The following JAK1 variants were observed in gnomAD, a reference collection of about 807,000 sequenced individuals.
JAK1 encodes Janus kinase 1.
Under a neutral mutation model 136.6 loss-of-function variants are expected in JAK1, and 16 were observed. The ratio of observed to expected loss-of-function variants is 0.12; its 90% CI spans 0.08 to 0.18. The LOEUF (loss-of-function observed/expected upper bound fraction) is 0.18. JAK1 is among the 10% of genes least tolerant of loss of function. The pLI is 1.00. For missense variants in JAK1, 859 were observed against 1,450.1 expected (o/e 0.59, Z 6.62); for synonymous variants, 492 against 519.5 (o/e 0.95, Z 0.72).
At chr1:65,047,022 C>T (rs1358130342) in intron 1 of JAK1, among the ~76,000 whole-genome samples, 5 of 151,188 alleles carry the variant, frequency 3.3e-5, no homozygotes, top group Non-Finnish European at 4.4e-5. Flanking sequence ...GAGATCCCAT[C>T]GCTATAGGAA....
chr1:64,844,046 C>T lies in JAK1; in HGVS notation c.2403+18G>A, dbSNP rs774169632. ...GAAAGCCCTCACTTGCCTCACGCCC[C>T]GGGAAACACCTGCTCACCTCAATCA... On this transcript the variant is annotated intron_variant, in intron 17 of 24. Coordinates refer to ENST00000342505, the MANE Select transcript of JAK1 (RefSeq NM_002227.4). This position sits in a 1 kb window ranked among gnomAD's most constrained non-coding sequence, Gnocchi z 5.7. 1.1e-5 allele frequency: 17 copies of T among 1,613,110 alleles called. No individual in the cohort carries two copies. The highest frequency in any genetic ancestry group is 1.7e-5 in the Admixed American group (1 of 59,986).
chr1:65,014,211 A>T (rs562846831), intron 2 of JAK1, among the ~76,000 whole-genome samples: 3 of 152,174 alleles, frequency 2.0e-5, no homozygotes, highest in Non-Finnish European at 4.4e-5. Context: ...TTAGAGCACT[A>T]GAAGACCAGA....
In JAK1 at chr1:64,846,671, G is replaced by A. The variant is rs752893517; in HGVS notation, c.1965C>T (p.Gly655=). The A allele has an allele frequency of 7.4e-6, 12 of 1,613,758 alleles. No homozygotes were observed. The highest frequency in any genetic ancestry group is 4.0e-5 in the African/African-American group (3 of 74,916). Residue 655 remains glycine (G), a synonymous_variant, in exon 14 of 25, where the codon GGC becomes GGT. Coordinates refer to ENST00000342505, the MANE Select transcript of JAK1 (RefSeq NM_002227.4). ...TACTCTCCACGTCGCGGACACAGAC[G>A]CCATAGAGGTACACGATGTGTTTGT... The part of the protein sequence containing the change: ...VSHKHIVYLY[G]VCVRDVENIM...
chr1:64,909,546 C>A (rs543696837), intron 1 of JAK1, among the ~76,000 whole-genome samples: 47 of 151,952 alleles, frequency 3.1e-4, no homozygotes, highest in African/African-American at 1.0e-3. Flanking sequence ...CTAGGCCAGG[C>A]ACAGTGGCTC....
chr1:64,886,775 C>T (rs945579319), intron 1 of JAK1, among the ~76,000 whole-genome samples: 8 of 147,478 alleles, frequency 5.4e-5, no homozygotes, highest in African/African-American at 2.1e-4. Context: ...CACACACACA[C>T]ACACACACAC....
At chr1:65,034,578 A>G (rs539978391) in intron 2 of JAK1, among the ~76,000 whole-genome samples, 1 of 152,332 alleles carries the variant, frequency 6.6e-6, no homozygotes, top group Non-Finnish European at 1.5e-5. Flanking sequence ...TTGAGTCCAC[A>G]CAAGCTTTCT....
chr1:65,062,138 T>C (rs568812261), intron 1 of JAK1, among the ~76,000 whole-genome samples: 226 of 152,244 alleles, frequency 1.5e-3, no homozygotes, highest in African/African-American at 5.2e-3. Flanking sequence ...TCCAGGAGAC[T>C]AAAAATTTAT....
At chr1:64,970,510 C>T (rs1646441910), upstream of JAK1, among the ~76,000 whole-genome samples, 1 of 151,984 alleles carries the variant, frequency 6.6e-6, no homozygotes, top group South Asian at 2.1e-4. Flanking sequence ...AATCCCAGCA[C>T]TTTGGGAGGC....
rs1655077657 is a variant in JAK1 at position 64,844,100 on chromosome 1, A to G, written c.2367T>C (p.Asn789=). 3 of 1,614,154 alleles carry G rather than the reference A, an allele frequency of 1.9e-6. No individual in the cohort carries two copies. The highest frequency in any genetic ancestry group is 2.5e-6 in the Non-Finnish European group (3 of 1,180,026). The change falls in exon 17 of 25, where the codon AAT becomes AAC. Residue 789 remains asparagine, a synonymous_variant. Coordinates refer to ENST00000342505, the MANE Select transcript of JAK1 (RefSeq NM_002227.4). The surrounding 1 kb of genome is among the most constrained non-coding windows in gnomAD (Gnocchi z 5.7). ...FGTTLWEICY[N]GEIPLKDKTL... is the part of the protein sequence containing the mutation. ...TCTTGTCTTTCAAGGGGATCTCGCC[A>G]TTGTAGCAGATTTCCCAGAGCGTGG...
intron 1 of JAK1, among the ~76,000 whole-genome samples, chr1:64,959,008 G>C (rs1373177779): frequency 1.3e-5 from 2 of 152,188 alleles, no homozygotes; most frequent in Non-Finnish European, 2.9e-5. Flanking sequence ...TTCAGCTGAA[G>C]TGGACTTTCC....
intron 2 of JAK1, among the ~76,000 whole-genome samples, chr1:65,035,548 T>C (rs542026851): frequency 1.3e-5 from 2 of 152,262 alleles, no homozygotes; most frequent in South Asian, 2.1e-4. Flanking sequence ...TCCTGTAAAA[T>C]AAGGATAAAC....
upstream of JAK1, among the ~76,000 whole-genome samples, chr1:64,968,931 C>CAAAAAAA (rs10708307): frequency 3.1e-5 from 2 of 64,048 alleles, 1 homozygote; most frequent in African/African-American, 1.2e-4. Context: ...GACTCCCTCT[C>CAAAAAAA]AAAAAAAAAA....
intron 1 of JAK1, among the ~76,000 whole-genome samples, chr1:65,060,806 C>T (rs1647759560): frequency 6.6e-6 from 1 of 152,084 alleles, no homozygotes; most frequent in African/African-American, 2.4e-5. Flanking sequence ...TGTTTATAAA[C>T]GTGCATTTTT....
At chr1:65,038,299 A>T (rs1370116762) in intron 2 of JAK1, among the ~76,000 whole-genome samples, 1 of 150,932 alleles carries the variant, frequency 6.6e-6, no homozygotes, top group Non-Finnish European at 1.5e-5. Flanking sequence ...CCCGGGGTCA[A>T]GCAATTCTCC....
chr1:65,047,593 C>T (rs1647196600), intron 1 of JAK1, among the ~76,000 whole-genome samples: 1 of 151,956 alleles, frequency 6.6e-6, no homozygotes, highest in Non-Finnish European at 1.5e-5. Context: ...GTGGCAGGTG[C>T]GTGTAGTCCC....
At chr1:65,028,331 A>G (rs1198593908) in intron 2 of JAK1, among the ~76,000 whole-genome samples, 1 of 152,152 alleles carries the variant, frequency 6.6e-6, no homozygotes, top group Non-Finnish European at 1.5e-5. Flanking sequence ...TTATATATTT[A>G]TCATCTGTCT....
At chr1:65,041,100 C>T (rs1328178009) in intron 2 of JAK1, among the ~76,000 whole-genome samples, 1 of 152,126 alleles carries the variant, frequency 6.6e-6, no homozygotes, top group Admixed American at 6.6e-5. Flanking sequence ...TGATGGCAGG[C>T]AGAGCTGGAC....
intron 1 of JAK1, among the ~76,000 whole-genome samples, chr1:65,055,627 G>A (rs567972536): frequency 6.6e-5 from 10 of 152,274 alleles, no homozygotes; most frequent in African/African-American, 2.4e-4. Context: ...AACACACACT[G>A]TGTTTTAAGC....
At chr1:64,863,348 G>A (rs533341452) in intron 8 of JAK1, among the ~76,000 whole-genome samples, 3 of 151,364 alleles carry the variant, frequency 2.0e-5, no homozygotes, top group South Asian at 4.2e-4. Flanking sequence ...CATATGACAC[G>A]GGGCCTAATA....
Sources: gnomAD v4.1 joint callset for allele counts (sites outside exome capture counted in the v4.1 genomes callset) on GRCh38, gnomAD v4.1.1 for gene constraint, Gnocchi (gnomAD v3.1) non-coding constraint, MANE v1.5 for transcripts, NCBI Gene and HGNC (gene_info 2026-07-23, HGNC 2026-07-21) for gene names.